NRG3: variants seen among roughly 807,000 people sequenced by gnomAD.
NRG3 encodes pro-neuregulin-3, membrane-bound isoform.
In NRG3, 31 loss-of-function variants were observed where a neutral mutation model predicts 66.9. The ratio of observed to expected loss-of-function variants is 0.46; its 90% confidence interval spans 0.35 to 0.63. The LOEUF (loss-of-function observed/expected upper bound fraction) is 0.63. NRG3 is among the 20% of genes least tolerant of loss of function. NRG3 has a pLI of 0.00. For missense variants in NRG3, 910 were observed against 878.9 expected (o/e 1.04, Z -0.45); for synonymous variants, 393 against 359.4 (o/e 1.09, Z -1.06).
chr10:82,025,326 A>T (rs144614391), intron 1 of NRG3, among the ~76,000 whole-genome samples: 3 of 151,340 alleles, frequency 2.0e-5, no homozygotes, highest in Non-Finnish European at 4.4e-5. Flanking sequence ...ACTTTTTTCC[A>T]TGTACGTATA....
intron 1 of NRG3, among the ~76,000 whole-genome samples, chr10:81,955,052 A>T (rs1314125423): frequency 6.6e-6 from 1 of 150,988 alleles, no homozygotes; most frequent in Non-Finnish European, 1.5e-5. Flanking sequence ...GTTCTGTTAC[A>T]TTATATATAT....
At chr10:82,247,622 C>A (rs2077302203) in intron 1 of NRG3, among the ~76,000 whole-genome samples, 2 of 152,104 alleles carry the variant, frequency 1.3e-5, no homozygotes, top group South Asian at 4.1e-4. Context: ...ATACTTGATA[C>A]AAATTCACCC....
At chr10:82,618,251 G>A (rs866693398) in intron 2 of NRG3, among the ~76,000 whole-genome samples, 2 of 152,148 alleles carry the variant, frequency 1.3e-5, no homozygotes, top group African/African-American at 4.8e-5. Context: ...CAGTGCAAGC[G>A]ACAATCAGCC....
Position 82,295,907 on chromosome 10 carries a change from CA to C in NRG3, c.824-62824del, listed in dbSNP as rs72023797. On this transcript the variant is annotated intron_variant, in intron 1 of 8. Transcript: ENST00000372141. The stretch of plus-strand genomic sequence containing the variant: ...CTGAGAACCCAAAAGTAAAAAAGGA[CA>C]AAAAAAACCCCTATTTTAGGGAGCT... 2.0e-5 allele frequency among the ~76,000 whole-genome samples: 3 copies of C among 150,658 alleles called. 1 individual carries two copies. Among genetic ancestry groups the C allele is most frequent in the Admixed American group, 6.6e-5 (1 of 15,134 alleles).
At chr10:82,654,197 C>G (rs1366853042) in intron 2 of NRG3, among the ~76,000 whole-genome samples, 9 of 152,032 alleles carry the variant, frequency 5.9e-5, no homozygotes, top group Admixed American at 5.9e-4. Flanking sequence ...GTTGAAGGAG[C>G]TATGTTGAAT....
intron 2 of NRG3, among the ~76,000 whole-genome samples, chr10:82,449,384 C>A (rs1423235825): frequency 6.6e-6 from 1 of 152,188 alleles, no homozygotes; most frequent in East Asian, 1.9e-4. Flanking sequence ...GTTATCCTTG[C>A]ACTCATGCAC....
At chr10:81,981,397 A>G (rs1434050661) in intron 1 of NRG3, among the ~76,000 whole-genome samples, 1 of 152,246 alleles carries the variant, frequency 6.6e-6, no homozygotes, top group Non-Finnish European at 1.5e-5. Context: ...AAATTCTATT[A>G]GATATTAAGG....
In NRG3 at chr10:82,457,351, A is replaced by G. The variant is rs140138560; in HGVS notation, c.953+98483A>G. Among the ~76,000 whole-genome samples the G allele has an allele frequency of 2.5e-3, 385 of 152,250 alleles. 1 individual carries two copies. The highest frequency in any genetic ancestry group is 8.9e-3 in the African/African-American group (368 of 41,550). ...ATCAGGTATTAGATTCTCATAAGGA[A>G]CACATAGCCTAGATCCCTCACATGT... is the stretch of plus-strand genomic sequence containing the variant. On this transcript the variant is annotated intron_variant, in intron 2 of 8. Coordinates refer to ENST00000372141, the MANE Select transcript of NRG3 (RefSeq NM_001010848.4).
intron 1 of NRG3, among the ~76,000 whole-genome samples, chr10:82,316,525 C>A (rs779925215): frequency 6.6e-6 from 1 of 151,790 alleles, no homozygotes; most frequent in Non-Finnish European, 1.5e-5. Context: ...CCCTTTTTTC[C>A]CCCTCCTGGT....
At chr10:82,033,115 A>G (rs959261329) in intron 1 of NRG3, among the ~76,000 whole-genome samples, 12 of 152,168 alleles carry the variant, frequency 7.9e-5, no homozygotes, top group Non-Finnish European at 1.2e-4. Context: ...AAATTGAAGG[A>G]AAACTGGCCT....
rs368418356 is a variant in NRG3, at chr10:82,548,352, C to A, written c.953+189484C>A. Among the ~76,000 whole-genome samples, 27 of 152,026 alleles carry A rather than the reference C, an allele frequency of 1.8e-4. 1 individual carries two copies. The East Asian group carries it at 4.8e-3, about 27-fold the overall frequency. On this transcript the variant is annotated intron_variant, in intron 2 of 8. Transcript: ENST00000372141. ...TAATCTCGTGCCAGAAGGGCCTGGACAAGGGTTATTTCTTTCCGGGTTGTC... is the reference window on the plus strand; with the variant it reads ...TAATCTCGTGCCAGAAGGGCCTGGAAAAGGGTTATTTCTTTCCGGGTTGTC...
chr10:81,951,820 C>T (rs1452821785), intron 1 of NRG3, among the ~76,000 whole-genome samples: 1 of 152,198 alleles, frequency 6.6e-6, no homozygotes, highest in African/African-American at 2.4e-5. Flanking sequence ...GACACATGCA[C>T]ACATATGTTT....
At chr10:82,643,606 G>T (rs1211222826) in intron 2 of NRG3, among the ~76,000 whole-genome samples, 1 of 151,982 alleles carries the variant, frequency 6.6e-6, no homozygotes, top group African/African-American at 2.4e-5. Context: ...GTGAGGCCTT[G>T]AAAGAAACTT....
chr10:82,516,753 T>C (rs982186426), intron 2 of NRG3, among the ~76,000 whole-genome samples: 1 of 152,184 alleles, frequency 6.6e-6, no homozygotes, highest in African/African-American at 2.4e-5. Context: ...AGATTCATTA[T>C]GTATTTTTAG....
chr10:82,229,507 C>T (rs1490409287), intron 1 of NRG3, among the ~76,000 whole-genome samples: 1 of 152,034 alleles, frequency 6.6e-6, no homozygotes, highest in Non-Finnish European at 1.5e-5. Context: ...AAAGAACTAC[C>T]CAAGACTGGG....
At chr10:82,641,198 CATATAA>C (rs1282715125) in intron 2 of NRG3, among the ~76,000 whole-genome samples, 1 of 152,044 alleles carries the variant, frequency 6.6e-6, no homozygotes, top group African/African-American at 2.4e-5. Flanking sequence ...AATACAGATA[CATATAA>C]ATATGAAAAT....
chr10:82,615,856 G>A (rs2820112), intron 2 of NRG3, among the ~76,000 whole-genome samples: 12,690 of 152,178 alleles, frequency 0.083, 612 homozygotes, highest in East Asian at 0.14. Flanking sequence ...AAACAGACAA[G>A]CACACGATAA....
chr10:82,148,808 CCCAATT>C (rs1402685211), intron 1 of NRG3, among the ~76,000 whole-genome samples: 1 of 152,094 alleles, frequency 6.6e-6, no homozygotes, highest in African/African-American at 2.4e-5. Context: ...GCTGAACAAC[CCCAATT>C]TCTATGACTT....
At chr10:82,397,011 G>A (rs1381724205) in intron 2 of NRG3, among the ~76,000 whole-genome samples, 3 of 152,104 alleles carry the variant, frequency 2.0e-5, no homozygotes, top group African/African-American at 4.8e-5. Flanking sequence ...CTTTCTGTGA[G>A]TCTCCAATGT....
Sources: gnomAD v4.1 joint callset for allele counts (sites outside exome capture counted in the v4.1 genomes callset) on GRCh38, gnomAD v4.1.1 for gene constraint, MANE v1.5 for transcripts, NCBI Gene and HGNC (gene_info 2026-07-23, HGNC 2026-07-21) for gene names.